The following LHFPL3 variants were observed in gnomAD, a reference collection of about 807,000 sequenced individuals.
LHFPL3 encodes the protein LHFPL tetraspan subfamily member 3.
Under a neutral mutation model 19.3 loss-of-function variants are expected in LHFPL3, and 5 were observed. The ratio of observed to expected loss-of-function variants is 0.26; its 90% CI spans 0.14 to 0.54. The LOEUF (loss-of-function observed/expected upper bound fraction) is 0.54, where lower values mean the gene tolerates loss of function less well. LHFPL3 is among the 20% of genes least tolerant of loss of function. The pLI is 0.94. For missense variants in LHFPL3, 249 were observed against 307.4 expected (o/e 0.81, Z 1.42); for synonymous variants, 133 against 126.2 (o/e 1.05, Z -0.36).
At position 104,524,064 on chromosome 7, in the gene LHFPL3, T is replaced by C. The variant is rs535478395; in HGVS notation, c.445+194840T>C. ...AGACTTAATAGGATTGCTTTTCTCTTTTGCCCTACACTCCAGCAGTATTAT... is the reference window on the plus strand; with the variant it reads ...AGACTTAATAGGATTGCTTTTCTCTCTTGCCCTACACTCCAGCAGTATTAT... On this transcript the variant is annotated intron_variant, in intron 1 of 2. Coordinates refer to ENST00000424859, the MANE Select transcript of LHFPL3 (RefSeq NM_199000.3). Among the ~76,000 whole-genome samples the C allele has an allele frequency of 9.0e-4, 136 of 151,884 alleles. No individual in the cohort carries two copies. In the South Asian group the frequency reaches 0.027, roughly 30 times the overall value.
intron 1 of LHFPL3, among the ~76,000 whole-genome samples, chr7:104,688,560 C>T (rs1792847364): frequency 8.5e-6 from 1 of 117,958 alleles, no homozygotes. Context: ...AGGAAACAGC[C>T]TCCCCACCCC....
chr7:104,347,124 T>C (rs995862061), intron 1 of LHFPL3, among the ~76,000 whole-genome samples: 1 of 151,998 alleles, frequency 6.6e-6, no homozygotes, highest in African/African-American at 2.4e-5. Context: ...TAGGTATTAG[T>C]ATCACCATCG....
chr7:104,759,742 G>A (rs994962676), intron 2 of LHFPL3: 4 of 152,230 alleles, frequency 2.6e-5, no homozygotes, highest in African/African-American at 7.2e-5. Context: ...TCAGGGAAGG[G>A]AAGAGGAAAA....
At chr7:104,840,514 G>C (rs1791182327) in intron 2 of LHFPL3, among the ~76,000 whole-genome samples, 1 of 127,238 alleles carries the variant, frequency 7.9e-6, no homozygotes, top group African/African-American at 3.1e-5. Context: ...GTAGAGACCA[G>C]GGCCTTGTTG....
chr7:104,743,657 A>T (rs1793979091), intron 2 of LHFPL3, among the ~76,000 whole-genome samples: 1 of 152,180 alleles, frequency 6.6e-6, no homozygotes. Flanking sequence ...TCTCTGCAAT[A>T]ACCCTGTGAG....
intron 2 of LHFPL3, among the ~76,000 whole-genome samples, chr7:104,797,734 G>A (rs1790159990): frequency 6.8e-6 from 1 of 147,608 alleles, no homozygotes; most frequent in African/African-American, 2.5e-5. Context: ...GGTACCAATG[G>A]TGAAACCCCA....
Position 104,673,990 on chromosome 7 carries a change from T to G in LHFPL3, c.446-62685T>G, listed in dbSNP as rs1043460036. Among the ~76,000 whole-genome samples the G allele has an allele frequency of 4.0e-5, 6 of 151,168 alleles. No homozygotes were observed. The East Asian group carries it at 1.2e-3, about 29-fold the overall frequency. On this transcript the variant is annotated intron_variant, in intron 1 of 2. Transcript: ENST00000424859. The stretch of plus-strand genomic sequence containing the variant: ...CTGGAAAGAATGTTCAGACCCTTGG[T>G]GAAAAGAGACCAACTGGACATGTTC...
chr7:104,696,967 A>G (rs981629356), intron 1 of LHFPL3, among the ~76,000 whole-genome samples: 3 of 152,212 alleles, frequency 2.0e-5, no homozygotes, highest in African/African-American at 7.2e-5. Context: ...GGGAAGTTCA[A>G]GATCAAGATA....
intron 2 of LHFPL3, among the ~76,000 whole-genome samples, chr7:104,847,771 C>G (rs1791338890): frequency 6.6e-6 from 1 of 152,242 alleles, no homozygotes; most frequent in Non-Finnish European, 1.5e-5. Context: ...CTTGGCCTCC[C>G]AAAGTGCTGG....
intron 2 of LHFPL3, among the ~76,000 whole-genome samples, chr7:104,877,813 C>T (rs1208829627): frequency 1.3e-5 from 2 of 150,704 alleles, no homozygotes; most frequent in South Asian, 2.1e-4. Context: ...CACACAAAAA[C>T]TTGTATGGAA....
intron 1 of LHFPL3, among the ~76,000 whole-genome samples, chr7:104,446,249 C>G (rs1792327890): frequency 6.6e-6 from 1 of 152,102 alleles, no homozygotes; most frequent in Non-Finnish European, 1.5e-5. Context: ...GGAATGGTCT[C>G]TTATAGGAGG....
chr7:104,687,021 C>T (rs1426549112), intron 1 of LHFPL3, among the ~76,000 whole-genome samples: 1 of 152,126 alleles, frequency 6.6e-6, no homozygotes, highest in Non-Finnish European at 1.5e-5. Flanking sequence ...AAGGTCCCTC[C>T]CCCAACACAT....
intron 1 of LHFPL3, among the ~76,000 whole-genome samples, chr7:104,443,587 A>C (rs1315815097): frequency 6.6e-6 from 1 of 152,242 alleles, no homozygotes; most frequent in African/African-American, 2.4e-5. Context: ...AGCTAGCTCC[A>C]GGGCTTCTGT....
chr7:104,851,911 G>A (rs2116616230), intron 2 of LHFPL3, among the ~76,000 whole-genome samples: 1 of 152,088 alleles, frequency 6.6e-6, no homozygotes, highest in Non-Finnish European at 1.5e-5. Context: ...CAAACCACGT[G>A]GGCAGAGCAG....
chr7:104,610,051 A>G lies in LHFPL3; in HGVS notation c.446-126624A>G, dbSNP rs78834472. Among the ~76,000 whole-genome samples the G allele has an allele frequency of 4.1e-3, 626 of 152,344 alleles. 35 individuals carry two copies. In the East Asian group the frequency reaches 0.1, roughly 24 times the overall value. ...CAGAGTTATTGCTAAAACCAAAATT[A>G]TATTCAATTATTATGTTAGCTGGTC... is the stretch of plus-strand genomic sequence containing the variant. On this transcript the variant is annotated intron_variant, in intron 1 of 2. Coordinates refer to ENST00000424859, the MANE Select transcript of LHFPL3 (RefSeq NM_199000.3).
chr7:104,668,353 G>C lies in LHFPL3; in HGVS notation c.446-68322G>C. 1.9e-6 allele frequency: 3 copies of C among 1,594,130 alleles called. No homozygotes were observed. In the East Asian group the frequency reaches 6.7e-5, roughly 36 times the overall value. On this transcript the variant is annotated intron_variant, in intron 1 of 2. Coordinates refer to ENST00000424859, the MANE Select transcript of LHFPL3 (RefSeq NM_199000.3). ...AAAACAGATACAGACTGGAGGGCTC[G>C]TCCTGCTACAGACACCTTTGATGAC...
At chr7:104,868,799 G>A (rs1184374575) in intron 2 of LHFPL3, among the ~76,000 whole-genome samples, 2 of 152,102 alleles carry the variant, frequency 1.3e-5, no homozygotes, top group Admixed American at 1.3e-4. Flanking sequence ...CAAAACTGGA[G>A]GCATCACGCT....
At chr7:104,583,689 C>CA (rs563254692) in intron 1 of LHFPL3, among the ~76,000 whole-genome samples, 1 of 151,948 alleles carries the variant, frequency 6.6e-6, no homozygotes, top group African/African-American at 2.4e-5. Context: ...TTTATACAGC[C>CA]AAAAAACACA....
chr7:104,349,916 TG>T (rs1271819830), intron 1 of LHFPL3, among the ~76,000 whole-genome samples: 1 of 152,222 alleles, frequency 6.6e-6, no homozygotes, highest in African/African-American at 2.4e-5. Context: ...AAAGATTTAG[TG>T]TTATTGCGAA....
Sources: allele counts gnomAD v4.1 joint callset (sites outside exome capture counted in the v4.1 genomes callset), GRCh38; gene constraint gnomAD v4.1.1; transcripts MANE v1.5; gene names NCBI Gene and HGNC (gene_info 2026-07-23, HGNC 2026-07-21).